The following GBE1 variants were observed in gnomAD, a reference collection of about 807,000 sequenced individuals.
GBE1 encodes 1,4-alpha-glucan branching enzyme 1.
A neutral mutation model predicts 88.8 loss-of-function variants in GBE1; 70 were observed. That is an observed-to-expected ratio of 0.79 (90% CI 0.65 to 0.96). GBE1 has a LOEUF of 0.96. Among genes scored for constraint, GBE1 ranks in the 40% least tolerant of loss-of-function variants. The pLI is 0.00. For synonymous variants in GBE1, 284 were observed against 300.1 expected, an observed-to-expected ratio of 0.95 and a Z score of 0.56; for missense variants, 872 against 871.0, an observed-to-expected ratio of 1.00 and a Z score of -0.01.
At chr3:81,490,750 G>T (rs988464191) in intron 15 of GBE1, among the ~76,000 whole-genome samples, 1 of 152,066 alleles carries the variant, frequency 6.6e-6, no homozygotes, top group Non-Finnish European at 1.5e-5. Flanking sequence ...TGTTGAGGCT[G>T]TATTAGGTGG....
chr3:81,745,944 T>A (rs1706414573), intron 1 of GBE1, among the ~76,000 whole-genome samples: 1 of 152,120 alleles, frequency 6.6e-6, no homozygotes, highest in East Asian at 1.9e-4. Flanking sequence ...CCCTGATAAA[T>A]ATCAAAGAAA....
intron 12 of GBE1, among the ~76,000 whole-genome samples, chr3:81,572,452 T>C (rs988254646): frequency 1.3e-5 from 2 of 152,208 alleles, no homozygotes; most frequent in African/African-American, 4.8e-5. Flanking sequence ...GTCTCAATGA[T>C]GGCAAGATTT....
chr3:81,752,175 A>G (rs1706539537), intron 1 of GBE1, among the ~76,000 whole-genome samples: 1 of 152,186 alleles, frequency 6.6e-6, no homozygotes, highest in Admixed American at 6.5e-5. Context: ...AAATAACTGC[A>G]GCCATCAAAT....
At chr3:81,681,524 A>G (rs931696308) in intron 2 of GBE1, among the ~76,000 whole-genome samples, 8 of 152,218 alleles carry the variant, frequency 5.3e-5, no homozygotes, top group African/African-American at 1.9e-4. Flanking sequence ...GAAAGCACCT[A>G]CATAGGTCTC....
intron 14 of GBE1, among the ~76,000 whole-genome samples, chr3:81,509,984 A>G (rs1193318833): frequency 6.6e-6 from 1 of 152,074 alleles, no homozygotes; most frequent in African/African-American, 2.4e-5. Flanking sequence ...TCTGATTGGT[A>G]TGAGCCTTGA....
At chr3:81,709,282 A>T (rs1444200389) in intron 1 of GBE1, among the ~76,000 whole-genome samples, 2 of 152,106 alleles carry the variant, frequency 1.3e-5, no homozygotes, top group Non-Finnish European at 2.9e-5. Context: ...CCATATGCAA[A>T]CTCTTTAAAT....
At chr3:81,741,780 C>T (rs1024713297) in intron 1 of GBE1, among the ~76,000 whole-genome samples, 1 of 148,248 alleles carries the variant, frequency 6.7e-6, no homozygotes, top group Non-Finnish European at 1.5e-5. Context: ...TAACACTCTA[C>T]ATAATATATA....
rs73853459 is a variant in GBE1, at chr3:81,673,235, A to G, written c.314-2282T>C. On this transcript the variant is annotated intron_variant, in intron 2 of 15. Coordinates refer to ENST00000429644, the MANE Select transcript of GBE1 (RefSeq NM_000158.4). ...TGATTCCTGCATTTCTTTTTAGCTA[A>G]TCACTTAAGACAAGCAGCAGATCTT... is the stretch of plus-strand genomic sequence containing the variant. 5.5e-3 allele frequency among the ~76,000 whole-genome samples: 833 copies of G among 152,020 alleles called. 2 individuals are homozygous for G. The highest frequency in any genetic ancestry group is 0.019 in the African/African-American group (797 of 41,550).
chr3:81,508,675 T>C (rs1240225285), intron 14 of GBE1, among the ~76,000 whole-genome samples: 1 of 152,106 alleles, frequency 6.6e-6, no homozygotes, highest in Non-Finnish European at 1.5e-5. Context: ...AAAAACATAA[T>C]TGGAAACGGG....
chr3:81,672,590 A>C (rs1290787261), intron 2 of GBE1, among the ~76,000 whole-genome samples: 2 of 152,044 alleles, frequency 1.3e-5, no homozygotes, highest in Non-Finnish European at 2.9e-5. Context: ...AAAAATATTA[A>C]ATCAGAAATA....
chr3:81,576,001 A>C (rs185703614), intron 12 of GBE1, among the ~76,000 whole-genome samples: 205 of 152,216 alleles, frequency 1.3e-3, no homozygotes, highest in African/African-American at 4.4e-3. Flanking sequence ...CACAAGTGAC[A>C]AATCTTACTT....
chr3:81,759,054 A>G (rs1260790248), intron 1 of GBE1, among the ~76,000 whole-genome samples: 1 of 152,194 alleles, frequency 6.6e-6, no homozygotes, highest in Admixed American at 6.5e-5. Flanking sequence ...GTGAGACATG[A>G]CTTTCACCTT....
chr3:81,544,917 G>A (rs879671886), intron 12 of GBE1, among the ~76,000 whole-genome samples: 3 of 152,052 alleles, frequency 2.0e-5, no homozygotes, highest in Admixed American at 2.0e-4. Flanking sequence ...TCTGTAAACT[G>A]TAATGCATAC....
chr3:81,728,907 CT>C (rs1042040438), intron 1 of GBE1, among the ~76,000 whole-genome samples: 43 of 147,614 alleles, frequency 2.9e-4, no homozygotes, highest in Admixed American at 2.7e-4. Context: ...TTCACCCCCC[CT>C]TTTTTTTTTG....
At chr3:81,706,404 A>C (rs535898845) in intron 1 of GBE1, among the ~76,000 whole-genome samples, 1 of 152,324 alleles carries the variant, frequency 6.6e-6, no homozygotes, top group East Asian at 1.9e-4. Flanking sequence ...ACCAAAAAGT[A>C]CTACCCTATT....
chr3:81,589,512 T>TA lies in GBE1; in HGVS notation c.1236+1524dup, dbSNP rs1160649685. Reference sequence around the variant, plus strand: ...AATAAATTGAAGGCACATCTTTTTTTAAAAAAAAAAAAAATCTAAAACCAA... The same window carrying TA: ...AATAAATTGAAGGCACATCTTTTTTTAAAAAAAAAAAAAAATCTAAAACCAA... On this transcript the variant is annotated intron_variant, in intron 9 of 15. Coordinates refer to ENST00000429644, the MANE Select transcript of GBE1 (RefSeq NM_000158.4). Among the ~76,000 whole-genome samples the TA allele has an allele frequency of 2.2e-3, 322 of 143,790 alleles. 1 individual carries two copies. Among genetic ancestry groups the TA allele is most frequent in the South Asian group, 6.4e-3 (29 of 4,514 alleles). The allele number at this position is 143,790 out of a possible 152,430, so 94.3% of individuals were successfully genotyped here. A position where few individuals can be genotyped will look rare whatever the true frequency, so the allele number is the denominator to read the frequency against.
chr3:81,577,785 T>C, intron 12 of GBE1, 140 bp downstream of exon 12: 1 of 625,036 alleles, frequency 1.6e-6, no homozygotes, highest in South Asian at 2.5e-5. Flanking sequence ...TCTTGCAATT[T>C]ACACGACAGT....
intron 14 of GBE1, among the ~76,000 whole-genome samples, chr3:81,504,867 C>A (rs536803294): frequency 2.1e-4 from 32 of 152,292 alleles, no homozygotes; most frequent in Non-Finnish European, 3.8e-4. Flanking sequence ...TCATTTATAT[C>A]ATTCTGCACT....
intron 14 of GBE1, among the ~76,000 whole-genome samples, chr3:81,517,835 G>A (rs1267318040): frequency 2.0e-5 from 3 of 151,108 alleles, no homozygotes; most frequent in Non-Finnish European, 4.4e-5. Context: ...TTCACCACTA[G>A]GTAGCTACAT....
Sources: gnomAD v4.1 joint callset for allele counts (sites outside exome capture counted in the v4.1 genomes callset) on GRCh38, gnomAD v4.1.1 for gene constraint, MANE v1.5 for transcripts, NCBI Gene and HGNC (gene_info 2026-07-23, HGNC 2026-07-21) for gene names.